Variants in MACROH2A2 observed in about 807,000 individuals in gnomAD.
MACROH2A2 encodes the protein macroH2A.2 histone.
Under a neutral mutation model 37.6 loss-of-function variants are expected in MACROH2A2, and 6 were observed. The ratio of observed to expected loss-of-function variants is 0.16; its 90% confidence interval spans 0.09 to 0.32. The LOEUF (loss-of-function observed/expected upper bound fraction) is 0.32, where lower values mean the gene tolerates loss of function less well. MACROH2A2 is among the 10% of genes least tolerant of loss of function. MACROH2A2 has a pLI of 1.00. For synonymous variants in MACROH2A2, 192 were observed against 202.7 expected, an observed-to-expected ratio of 0.95 and a Z score of 0.45; for missense variants, 290 against 485.9, an observed-to-expected ratio of 0.60 and a Z score of 3.79.
intron 8 of MACROH2A2, among the ~76,000 whole-genome samples, chr10:70,110,098 G>A (rs1232778549): frequency 2.0e-5 from 3 of 152,330 alleles, no homozygotes; most frequent in Middle Eastern, 3.4e-3. Flanking sequence ...CAGAGATGCT[G>A]TGAGATGCAT....
At chr10:70,084,123 A>G (rs1564544283) in intron 2 of MACROH2A2, among the ~76,000 whole-genome samples, 1 of 152,176 alleles carries the variant, frequency 6.6e-6, no homozygotes, top group East Asian at 1.9e-4. Context: ...TGTAACATAG[A>G]CACTTGTCAT....
chr10:70,063,709 C>T (rs552829160), intron 1 of MACROH2A2, among the ~76,000 whole-genome samples: 2 of 152,294 alleles, frequency 1.3e-5, no homozygotes, highest in Non-Finnish European at 2.9e-5. Context: ...TGCTTTCCTT[C>T]AAACCCCTCC....
At chr10:70,106,028 G>T (rs1030716625) in intron 7 of MACROH2A2, among the ~76,000 whole-genome samples, 2 of 152,166 alleles carry the variant, frequency 1.3e-5, no homozygotes, top group African/African-American at 4.8e-5. Flanking sequence ...AGAGGCCATT[G>T]TGGGAAACTG....
intron 2 of MACROH2A2, among the ~76,000 whole-genome samples, chr10:70,082,758 G>A (rs1190576989): frequency 6.6e-6 from 1 of 152,196 alleles, no homozygotes; most frequent in Non-Finnish European, 1.5e-5. Flanking sequence ...CCTAGAAGAG[G>A]TGAATTCATA....
At chr10:70,095,290 C>T (rs2072268238) in intron 5 of MACROH2A2, among the ~76,000 whole-genome samples, 1 of 151,716 alleles carries the variant, frequency 6.6e-6, no homozygotes, top group Admixed American at 6.6e-5. Context: ...ATGGCGTGAA[C>T]CTGGGAGGCA....
At chr10:70,073,130 C>G (rs1464558517) in intron 1 of MACROH2A2, among the ~76,000 whole-genome samples, 1 of 152,190 alleles carries the variant, frequency 6.6e-6, no homozygotes, top group Non-Finnish European at 1.5e-5. Context: ...GCTCCTTCCA[C>G]TATAGCAAGA....
At chr10:70,102,800 C>T (rs544933277) in intron 7 of MACROH2A2, among the ~76,000 whole-genome samples, 1 of 152,230 alleles carries the variant, frequency 6.6e-6, no homozygotes, top group African/African-American at 2.4e-5. Flanking sequence ...TTTAAATCTC[C>T]ACCCACTACT....
intron 1 of MACROH2A2, among the ~76,000 whole-genome samples, chr10:70,058,428 G>A (rs2072029765): frequency 6.6e-6 from 1 of 152,190 alleles, no homozygotes; most frequent in Admixed American, 6.5e-5. Flanking sequence ...TAGATACACT[G>A]ACCACATTTA....
chr10:70,096,603 A>G (rs983062595), intron 6 of MACROH2A2, among the ~76,000 whole-genome samples: 15 of 152,160 alleles, frequency 9.9e-5, no homozygotes, highest in African/African-American at 3.6e-4. Flanking sequence ...TGGGCGCTGG[A>G]AATAACAGCA....
chr10:70,111,802 T>C lies in MACROH2A2; in HGVS notation c.*119T>C. On this transcript the variant is annotated 3_prime_UTR_variant, in exon 9 of 9. Transcript: ENST00000373255. ...GAGTGGAGGGTGGCCGGGCAGGTCC[T>C]GCCGGCGCAGGGAGCCCTCTGCCCT... The C allele has an allele frequency of 1.2e-6, 1 of 816,604 alleles. No individual in the cohort carries two copies. Among genetic ancestry groups the C allele is most frequent in the East Asian group, 3.1e-5 (1 of 32,348 alleles). 50.6% of individuals were successfully genotyped at this position (816,604 alleles called of 1,614,324 possible).
Position 70,109,033 on chromosome 10 carries a change from C to T in MACROH2A2, c.779C>T (p.Ala260Val). ...KSQGPLEVAE[A>V]AVSQSSGLAA... ...CGGCATTTTCTCTCCTATGTCCCAG[C>T]CGCCGTCAGCCAATCCAGTGGACTC... Residue 260 changes from alanine (A) to valine (V), a missense_variant and splice_region_variant, in exon 8 of 9, where the codon GCC (alanine) becomes GTC (valine). Coordinates refer to ENST00000373255, the MANE Select transcript of MACROH2A2 (RefSeq NM_018649.3). The T allele has an allele frequency of 6.2e-7, 1 of 1,613,852 alleles. No individual in the cohort carries two copies. Among genetic ancestry groups the T allele is most frequent in the Non-Finnish European group, 8.5e-7 (1 of 1,179,746 alleles).
intron 1 of MACROH2A2, among the ~76,000 whole-genome samples, chr10:70,074,107 T>G (rs1428118556): frequency 6.6e-6 from 1 of 152,224 alleles, no homozygotes; most frequent in Non-Finnish European, 1.5e-5. Flanking sequence ...ATATTCCATT[T>G]GTCGGTTACG....
rs554687733 is a variant in MACROH2A2 at position 70,071,096 on chromosome 10, C to T, written c.-59-4504C>T. On this transcript the variant is annotated intron_variant, in intron 1 of 8. Transcript: ENST00000373255. ...GTGCATGAGTGTGTGTGTGTGTGTG[C>T]GCGTGTGCACAGGGGGTGTCCCTGC... Among the ~76,000 whole-genome samples the T allele has an allele frequency of 1.8e-3, 245 of 139,848 alleles. 1 individual carries two copies. The highest frequency in any genetic ancestry group is 5.7e-3 in the African/African-American group (218 of 38,214). The allele number at this position is 139,848 out of a possible 152,430, so 91.7% of individuals were successfully genotyped here.
intron 2 of MACROH2A2, among the ~76,000 whole-genome samples, chr10:70,079,036 C>G (rs537055249): frequency 5.3e-5 from 8 of 152,192 alleles, no homozygotes; most frequent in Non-Finnish European, 8.8e-5. Flanking sequence ...TTGGTCCTTC[C>G]CATTGCTGGA....
At position 70,053,640 on chromosome 10, in the gene MACROH2A2, G is replaced by A. The variant is rs1438795808; in HGVS notation, c.-60+640G>A. Among the ~76,000 whole-genome samples, 1 of 151,100 alleles carries A rather than the reference G, an allele frequency of 6.6e-6. No individual in the cohort carries two copies. The highest frequency in any genetic ancestry group is 1.5e-5 in the Non-Finnish European group (1 of 67,720). On this transcript the variant is annotated intron_variant, in intron 1 of 8. Transcript: ENST00000373255. This position sits in a 1 kb window ranked among gnomAD's most constrained non-coding sequence, Gnocchi z 4.8. ...GGGCGAGGGCTGGGGGTTGCTGCGC[G>A]GACACCCGGGCGCCGCGGGCGGGCG...
intron 7 of MACROH2A2, among the ~76,000 whole-genome samples, chr10:70,108,151 C>T (rs1394001516): frequency 2.0e-5 from 3 of 151,834 alleles, no homozygotes; most frequent in East Asian, 3.9e-4. Flanking sequence ...GAGGTTGCAG[C>T]GAGCTGAGAT....
chr10:70,075,567 C>A lies in MACROH2A2; in HGVS notation c.-59-33C>A, dbSNP rs1489840087. The A allele has an allele frequency of 4.7e-6, 6 of 1,279,140 alleles. No individual in the cohort carries two copies. Among genetic ancestry groups the A allele is most frequent in the Non-Finnish European group, 6.7e-6 (6 of 894,086 alleles). The allele number at this position is 1,279,140 out of a possible 1,614,324, so 79.2% of individuals were successfully genotyped here. A position where few individuals can be genotyped will look rare whatever the true frequency, so the allele number is the denominator to read the frequency against. The stretch of plus-strand genomic sequence containing the variant: ...CTGTGCCCAAGATGTTTGCCAACTA[C>A]CCTTCCTCAACTCTGTCTTCTTTCC... On this transcript the variant is annotated intron_variant, in intron 1 of 8. Transcript: ENST00000373255. The surrounding 1 kb of genome is among the most constrained non-coding windows in gnomAD (Gnocchi z 5.0).
At position 70,091,979 on chromosome 10, in the gene MACROH2A2, G is replaced by A. The variant is rs2072247984; in HGVS notation, c.477+25G>A. On this transcript the variant is annotated intron_variant, in intron 4 of 8. Coordinates refer to ENST00000373255, the MANE Select transcript of MACROH2A2 (RefSeq NM_018649.3). ...GGTAGGCCGAGGCTGCGTGTCCTGG[G>A]CCAGGCACTCCCACTGCAATGGTCT... 5 of 1,586,962 alleles carry A rather than the reference G, an allele frequency of 3.2e-6. No homozygotes were observed. In the South Asian group the frequency reaches 3.3e-5, roughly 11 times the overall value.
intron 2 of MACROH2A2, among the ~76,000 whole-genome samples, chr10:70,079,563 G>A (rs61856696): frequency 0.019 from 1,178 of 63,026 alleles, 13 homozygotes; most frequent in African/African-American, 0.057. Context: ...GCGCGCGCGC[G>A]CGCACACACA....
Sources: allele counts gnomAD v4.1 joint callset (sites outside exome capture counted in the v4.1 genomes callset), GRCh38; gene constraint gnomAD v4.1.1; non-coding constraint Gnocchi (gnomAD v3.1); transcripts MANE v1.5; gene names NCBI Gene and HGNC (gene_info 2026-07-23, HGNC 2026-07-21).